The following DDX4 variants were observed in gnomAD, a reference collection of about 807,000 sequenced individuals.
DDX4 encodes the protein DEAD-box helicase 4.
Under a neutral mutation model 100.0 loss-of-function variants are expected in DDX4, and 25 were observed. The ratio of observed to expected loss-of-function variants is 0.25; its 90% CI spans 0.18 to 0.35. The LOEUF (loss-of-function observed/expected upper bound fraction) is 0.35. DDX4 is among the 10% of genes least tolerant of loss of function. The probability of loss-of-function intolerance (pLI) is 1.00; values close to 1 mark genes in which losing one functional copy is unlikely to be tolerated. For missense variants in DDX4, 635 were observed against 882.4 expected (o/e 0.72, Z 3.55); for synonymous variants, 259 against 275.7 (o/e 0.94, Z 0.60).
At chr5:55,813,851 T>C in intron 19 of DDX4, 79 bp downstream of exon 19, 1 of 1,396,006 alleles carries the variant, frequency 7.2e-7, no homozygotes, top group Non-Finnish European at 9.4e-7. Flanking sequence ...ATATAACTAA[T>C]ATGATATAAT....
In DDX4 at chr5:55,810,022, G is replaced by A. The variant is rs550902935; in HGVS notation, c.1616-3651G>A. Among the ~76,000 whole-genome samples, 38 of 133,664 alleles carry A rather than the reference G, an allele frequency of 2.8e-4. No individual in the cohort carries two copies. The East Asian group carries it at 4.7e-3, about 16-fold the overall frequency. 87.7% of individuals were successfully genotyped at this position (133,664 alleles called of 152,430 possible). A position where few individuals can be genotyped will look rare whatever the true frequency, so the allele number is the denominator to read the frequency against. On this transcript the variant is annotated intron_variant, in intron 18 of 21. Transcript: ENST00000505374. Reference sequence around the variant, plus strand: ...AACTTACAAATCATGAGGGACTCCCGTAAAGCATACACACACACACACAAA... The same window carrying A: ...AACTTACAAATCATGAGGGACTCCCATAAAGCATACACACACACACACAAA...
chr5:55,752,954 A>G (rs553963984), intron 3 of DDX4, among the ~76,000 whole-genome samples: 1 of 151,538 alleles, frequency 6.6e-6, no homozygotes, highest in East Asian at 1.9e-4. Context: ...GCATTTTTTC[A>G]TGTGGTTTTT....
intron 10 of DDX4, among the ~76,000 whole-genome samples, chr5:55,782,547 G>A (rs1168362947): frequency 1.3e-5 from 2 of 151,532 alleles, no homozygotes; most frequent in South Asian, 2.1e-4. Flanking sequence ...GCAGTAAGCC[G>A]AGATCATACC....
chr5:55,797,402 T>C (rs1743030117), intron 17 of DDX4, among the ~76,000 whole-genome samples: 1 of 152,156 alleles, frequency 6.6e-6, no homozygotes, highest in African/African-American at 2.4e-5. Context: ...CTCAGTAGTT[T>C]TAGTGAATGA....
intron 18 of DDX4, among the ~76,000 whole-genome samples, chr5:55,804,660 C>G (rs1356826993): frequency 1.3e-5 from 2 of 152,002 alleles, no homozygotes; most frequent in Non-Finnish European, 2.9e-5. Flanking sequence ...TCTGAGGGCT[C>G]TGTTCTGTTC....
intron 3 of DDX4, among the ~76,000 whole-genome samples, chr5:55,748,273 A>C (rs1759351913): frequency 1.3e-5 from 2 of 152,198 alleles, no homozygotes. Flanking sequence ...GTGTGTACTT[A>C]GAGTATTCCA....
chr5:55,813,063 A>G (rs149040317), intron 18 of DDX4, among the ~76,000 whole-genome samples: 280 of 152,284 alleles, frequency 1.8e-3, no homozygotes, highest in African/African-American at 4.8e-3. Flanking sequence ...TCTCCGGCCC[A>G]TGCTTGAATT....
At chr5:55,743,975 A>T (rs1304991300) in intron 2 of DDX4, among the ~76,000 whole-genome samples, 2 of 151,680 alleles carry the variant, frequency 1.3e-5, no homozygotes, top group Admixed American at 6.6e-5. Flanking sequence ...ACAAGAAAAA[A>T]GTCTTCAGAT....
chr5:55,750,307 G>GC (rs1218534751), intron 3 of DDX4: 2 of 154,698 alleles, frequency 1.3e-5, no homozygotes, highest in Non-Finnish European at 2.9e-5. Flanking sequence ...CTTATTGGCA[G>GC]CAGTCTTGCA....
chr5:55,797,044 A>G (rs1743009236), intron 17 of DDX4, among the ~76,000 whole-genome samples: 1 of 151,710 alleles, frequency 6.6e-6, no homozygotes, highest in Non-Finnish European at 1.5e-5. Context: ...GGGTTTCACC[A>G]TGTTGGCCAG....
At chr5:55,774,992 C>T (rs944006121) in intron 7 of DDX4, among the ~76,000 whole-genome samples, 1 of 152,170 alleles carries the variant, frequency 6.6e-6, no homozygotes, top group African/African-American at 2.4e-5. Flanking sequence ...CAGATAGAAA[C>T]TTTGTATTCC....
chr5:55,784,245 C>T (rs1016029617), intron 10 of DDX4, among the ~76,000 whole-genome samples: 5 of 152,014 alleles, frequency 3.3e-5, no homozygotes, highest in African/African-American at 9.7e-5. Flanking sequence ...AGTCCAAAGG[C>T]CAGAGAACCT....
In DDX4 at chr5:55,780,030, G is replaced by A. The variant is rs767407667; in HGVS notation, c.461G>A (p.Arg154Gln). ...PYRRGGRGSF[R>Q]GCRGGFGLGS... is the part of the protein sequence containing the mutation. The stretch of plus-strand genomic sequence containing the variant: ...AGAAGAGGTGGAAGAGGTAGTTTCC[G>A]AGGTTGCCGTGGAGGATTTGGTCTA... The change falls in exon 8 of 22, where the codon CGA (arginine) becomes CAA (glutamine). Residue 154 changes from arginine to glutamine, a missense_variant. This residue lies in a region of DDX4 where 446 missense variants were observed against 540.8 expected (regional missense o/e 0.82). Transcript: ENST00000505374. 19 of 1,614,002 alleles carry A rather than the reference G, an allele frequency of 1.2e-5. No homozygotes were observed. Among genetic ancestry groups the A allele is most frequent in the Middle Eastern group, 1.6e-4 (1 of 6,062 alleles).
chr5:55,776,516 A>G (rs1399084241), intron 7 of DDX4, among the ~76,000 whole-genome samples: 1 of 152,238 alleles, frequency 6.6e-6, no homozygotes, highest in Non-Finnish European at 1.5e-5. Context: ...TTTAAAACCT[A>G]TAAAACTACT....
At chr5:55,752,010 C>A (rs1449481870) in intron 3 of DDX4, among the ~76,000 whole-genome samples, 2 of 152,088 alleles carry the variant, frequency 1.3e-5, no homozygotes, top group African/African-American at 4.8e-5. Flanking sequence ...TATGAATATA[C>A]CTAAATGACT....
intron 2 of DDX4, among the ~76,000 whole-genome samples, chr5:55,741,363 G>C (rs1758972304): frequency 6.6e-6 from 1 of 152,190 alleles, no homozygotes; most frequent in Admixed American, 6.5e-5. Context: ...TGAATTTGTA[G>C]TGTATCTTTT....
chr5:55,739,221 A>T (rs549720952), intron 2 of DDX4, among the ~76,000 whole-genome samples, 189 bp downstream of exon 2: 3 of 152,372 alleles, frequency 2.0e-5, no homozygotes, highest in Non-Finnish European at 2.9e-5. Context: ...AGGCAATTTG[A>T]TAATTAAAAG....
intron 3 of DDX4, among the ~76,000 whole-genome samples, chr5:55,756,964 A>G (rs1326953536): frequency 6.6e-6 from 1 of 152,122 alleles, no homozygotes; most frequent in Non-Finnish European, 1.5e-5. Flanking sequence ...GTAAACTTTC[A>G]CATTTACATG....
At chr5:55,765,411 A>ATATATATATATATAT (rs1285869924) in intron 6 of DDX4, among the ~76,000 whole-genome samples, 9 of 100,244 alleles carry the variant, frequency 9.0e-5, no homozygotes, top group African/African-American at 2.2e-4. Flanking sequence ...AAAAAAAAAA[A>ATATATATATATATAT]AAATATATAT....
Sources: gnomAD v4.1 joint callset for allele counts (sites outside exome capture counted in the v4.1 genomes callset) on GRCh38, gnomAD v4.1.1 for gene constraint, gnomAD v4.1.1 regional missense constraint, MANE v1.5 for transcripts, NCBI Gene and HGNC (gene_info 2026-07-23, HGNC 2026-07-21) for gene names.